Variants in OTOGL observed in about 807,000 individuals in gnomAD.
OTOGL encodes otogelin like.
OTOGL carries 285 observed loss-of-function variants against 318.5 expected under a neutral mutation model. The ratio of observed to expected loss-of-function variants is 0.89; its 90% CI spans 0.81 to 0.99. OTOGL has a LOEUF of 0.99. OTOGL is among the 50% of genes least tolerant of loss of function. OTOGL has a pLI of 0.00. For synonymous variants in OTOGL, 987 were observed against 936.5 expected (o/e 1.05, Z -0.99); for missense variants, 2,899 against 2,845.6 (o/e 1.02, Z -0.43).
chr12:80,103,306 C>T (rs757911637), intron 1 of OTOGL: 3 of 1,592,398 alleles, frequency 1.9e-6, no homozygotes, highest in Non-Finnish European at 1.7e-6. Flanking sequence ...TTGCTTCGGT[C>T]GGAAGTCACA....
At chr12:80,362,737 G>C (rs186421399) in intron 52 of OTOGL, among the ~76,000 whole-genome samples, 5 of 152,202 alleles carry the variant, frequency 3.3e-5, no homozygotes, top group Admixed American at 3.3e-4. Context: ...AGAAAAGCTT[G>C]GAAGAATGTG....
rs371704079 is a variant in OTOGL, at chr12:80,341,967, G to C, written c.5070G>C (p.Pro1690=). Residue 1690 remains proline (P), a synonymous_variant, in exon 44 of 59, where the codon CCG becomes CCC. Transcript: ENST00000547103. The stretch of plus-strand genomic sequence containing the variant: ...TTCAAGGAATTTGCAATGAAGATCC[G>C]GATGATGATCTAAGGATGCAAAATG... ...EGLCGICNED[P]DDDLRMQNGT... 3.1e-6 allele frequency: 5 copies of C among 1,605,160 alleles called. No individual in the cohort carries two copies. The South Asian group carries it at 5.6e-5, about 18-fold the overall frequency.
chr12:80,177,878 A>G (rs1874632917), intron 1 of OTOGL, among the ~76,000 whole-genome samples: 1 of 152,022 alleles, frequency 6.6e-6, no homozygotes. Flanking sequence ...AATTTTCTCC[A>G]CTACTGCAGT....
chr12:80,114,001 G>A (rs761159241), intron 1 of OTOGL, among the ~76,000 whole-genome samples: 7 of 151,410 alleles, frequency 4.6e-5, no homozygotes, highest in South Asian at 2.1e-4. Flanking sequence ...TTGAGCCTAT[G>A]TGTGTCTTTG....
At chr12:80,254,970 A>C (rs1881898587) in intron 15 of OTOGL, 70 bp from the exon 16 acceptor site, 1 of 1,241,250 alleles carries the variant, frequency 8.1e-7, no homozygotes, top group Non-Finnish European at 1.1e-6. Context: ...TAATGGTATC[A>C]TCCTCCTCTC....
intron 33 of OTOGL, 125 bp from the exon 34 acceptor site, chr12:80,320,297 T>G (rs865972125): frequency 2.4e-6 from 2 of 824,760 alleles, no homozygotes; most frequent in African/African-American, 3.5e-5. Flanking sequence ...AAATCTTAGT[T>G]ATTGGCACTA....
chr12:80,217,611 C>G lies in OTOGL; in HGVS notation c.182C>G (p.Ser61Cys). ...ALLAAQFEATSPRYFFHDAIN... is the reference protein window; with the variant it reads ...ALLAAQFEATCPRYFFHDAIN... ...TTTCTTTCAAAGTTTGAAGCTACTT[C>G]TCCGAGATACTTTTTCCATGATGCT... The change falls in exon 5 of 59, where the codon TCT (serine) becomes TGT (cysteine). Residue 61 changes from serine (S) to cysteine (C), a missense_variant. This residue lies in a region of OTOGL where 2,607 missense variants were observed against 2,524.9 expected (regional missense o/e 1.03). Coordinates refer to ENST00000547103, the MANE Select transcript of OTOGL (RefSeq NM_001378609.3). 6.5e-7 allele frequency: 1 copy of G among 1,546,116 alleles called. No homozygotes were observed. The highest frequency in any genetic ancestry group is 2.3e-5 in the East Asian group (1 of 43,994).
rs1184759196 is a variant in OTOGL at position 80,356,534 on chromosome 12, A to G, written c.5911+14A>G. 1 of 1,549,926 alleles carries G rather than the reference A, an allele frequency of 6.5e-7. No individual in the cohort carries two copies. The highest frequency in any genetic ancestry group is 8.8e-7 in the Non-Finnish European group (1 of 1,134,326). ...AGTACAAATGTGGTAAGTAATCAAT[A>G]TAGAAAATTAAGAGTGAGGTTCATT... On this transcript the variant is annotated intron_variant, in intron 48 of 58. Coordinates refer to ENST00000547103, the MANE Select transcript of OTOGL (RefSeq NM_001378609.3).
chr12:80,320,887 T>C (rs1373155992), intron 34 of OTOGL, among the ~76,000 whole-genome samples, 187 bp downstream of exon 34: 3 of 152,118 alleles, frequency 2.0e-5, no homozygotes, highest in African/African-American at 7.2e-5. Flanking sequence ...AATAATAATA[T>C]GTACTTTATC....
At chr12:80,308,121 CG>C (rs1886341899) in intron 29 of OTOGL, among the ~76,000 whole-genome samples, 1 of 148,766 alleles carries the variant, frequency 6.7e-6, no homozygotes, top group African/African-American at 2.5e-5. Context: ...CCCTCCCGGA[CG>C]GGGCGGCTGG....
chr12:80,256,624 G>A (rs1416063777), intron 17 of OTOGL, among the ~76,000 whole-genome samples, 164 bp downstream of exon 17: 2 of 152,080 alleles, frequency 1.3e-5, no homozygotes, highest in South Asian at 2.1e-4. Context: ...AGATAGTGAT[G>A]ATGATTATGT....
chr12:80,308,409 G>A (rs1235631548), intron 29 of OTOGL, among the ~76,000 whole-genome samples: 1 of 152,064 alleles, frequency 6.6e-6, no homozygotes, highest in Admixed American at 6.5e-5. Flanking sequence ...TCAGACGATG[G>A]GCGGCCGGGC....
intron 1 of OTOGL, among the ~76,000 whole-genome samples, chr12:80,164,683 C>T (rs1873725256): frequency 6.6e-6 from 1 of 152,080 alleles, no homozygotes; most frequent in African/African-American, 2.4e-5. Context: ...TAACGCATCC[C>T]TGTTCAGTGA....
intron 43 of OTOGL, among the ~76,000 whole-genome samples, chr12:80,340,851 A>G (rs1458048785): frequency 6.6e-6 from 1 of 152,150 alleles, no homozygotes; most frequent in Admixed American, 6.5e-5. Flanking sequence ...GTTGCAGTGC[A>G]AACATATTTT....
At chr12:80,156,862 C>A (rs1391275878) in intron 1 of OTOGL, among the ~76,000 whole-genome samples, 2 of 152,106 alleles carry the variant, frequency 1.3e-5, no homozygotes, top group Non-Finnish European at 2.9e-5. Context: ...TAGATTGCAT[C>A]CAAATCTTGT....
intron 29 of OTOGL, among the ~76,000 whole-genome samples, chr12:80,308,077 CGGCTGGCCGGGTGGGG>C (rs1208889691): frequency 7.4e-6 from 1 of 135,326 alleles, no homozygotes; most frequent in Non-Finnish European, 1.6e-5. Context: ...CCGGACGGGG[CGGCTGGCCGGGTGGGG>C]GGCTGACCCC....
intron 44 of OTOGL, among the ~76,000 whole-genome samples, chr12:80,350,778 G>T: frequency 6.6e-6 from 1 of 152,034 alleles, no homozygotes; most frequent in Admixed American, 6.6e-5. Context: ...TGAGTTGTTT[G>T]AATTCCTTAT....
intron 35 of OTOGL, among the ~76,000 whole-genome samples, chr12:80,324,565 A>G (rs1469609363): frequency 6.6e-6 from 1 of 152,192 alleles, no homozygotes; most frequent in Non-Finnish European, 1.5e-5. Flanking sequence ...GCTGAGTGGC[A>G]TGATCTGATT....
intron 1 of OTOGL, among the ~76,000 whole-genome samples, chr12:80,140,218 C>T (rs575586452): frequency 4.6e-5 from 7 of 152,244 alleles, no homozygotes; most frequent in African/African-American, 1.2e-4. Flanking sequence ...CTTCTGGGAG[C>T]GTCTCTATCA....
Sources: gnomAD v4.1 joint callset for allele counts (sites outside exome capture counted in the v4.1 genomes callset) on GRCh38, gnomAD v4.1.1 for gene constraint, gnomAD v4.1.1 regional missense constraint, MANE v1.5 for transcripts, NCBI Gene and HGNC (gene_info 2026-07-23, HGNC 2026-07-21) for gene names.